Variants in ZNF746 observed in about 807,000 individuals in gnomAD.
The protein encoded by ZNF746 is zinc finger protein 746, also known as parkin-interacting substrate.
In ZNF746, 13 loss-of-function variants were observed where a neutral mutation model predicts 41.0. The ratio of observed to expected loss-of-function variants is 0.32; its 90% CI spans 0.21 to 0.50. ZNF746 has a LOEUF of 0.50. Among genes scored for constraint, ZNF746 ranks in the 20% least tolerant of loss-of-function variants. ZNF746 has a pLI of 0.98. For missense variants in ZNF746, 811 were observed against 922.9 expected (o/e 0.88, Z 1.57); for synonymous variants, 424 against 396.2 (o/e 1.07, Z -0.83).
Position 149,474,793 on chromosome 7 carries a change from G to C in ZNF746, c.1574C>G (p.Ala525Gly), listed in dbSNP as rs1241670661. 5.2e-6 allele frequency: 8 copies of C among 1,537,854 alleles called. No individual in the cohort carries two copies. In the East Asian group the frequency reaches 1.2e-4, roughly 23 times the overall value. ...ACGGCCGCACTCCCCACACCGAAGG[G>C]CGCTGCCATCCCGTGCGCTGCCCCC... ...SGGGSARDGS[A>G]LRCGECGRCF... Residue 525 changes from alanine to glycine, a missense_variant, in exon 7 of 7, where the codon GCC (alanine) becomes GGC (glycine). Transcript: ENST00000458143. The surrounding 1 kb of genome is among the most constrained non-coding windows in gnomAD (Gnocchi z 6.3).
rs981047807 is a variant in ZNF746 at position 149,497,055 on chromosome 7, G to C, written c.24+458C>G. The C allele has an allele frequency of 3.1e-5, 31 of 985,286 alleles. No individual in the cohort carries two copies. The highest frequency in any genetic ancestry group is 3.3e-5 in the Non-Finnish European group (27 of 829,936). 61.0% of individuals were successfully genotyped at this position (985,286 alleles called of 1,614,324 possible). Reference sequence around the variant, plus strand: ...GTGGCTCTATATTCCCTTCCGCGCCGACCCCGGGAAGCTGGGCACGTAGTG... The same window carrying C: ...GTGGCTCTATATTCCCTTCCGCGCCCACCCCGGGAAGCTGGGCACGTAGTG... On this transcript the variant is annotated intron_variant, in intron 1 of 6. Transcript: ENST00000458143. This position sits in a 1 kb window ranked among gnomAD's most constrained non-coding sequence, Gnocchi z 4.2.
Position 149,497,029 on chromosome 7 carries a change from C to T in ZNF746, c.24+484G>A, listed in dbSNP as rs192778588. On this transcript the variant is annotated intron_variant, in intron 1 of 6. Coordinates refer to ENST00000458143, the MANE Select transcript of ZNF746 (RefSeq NM_001394198.1). This position sits in a 1 kb window ranked among gnomAD's most constrained non-coding sequence, Gnocchi z 4.2. Reference sequence around the variant, plus strand: ...CGCCTCAACAGGGCTTGTGGAAGTGCGTGGCTCTATATTCCCTTCCGCGCC... The same window carrying T: ...CGCCTCAACAGGGCTTGTGGAAGTGTGTGGCTCTATATTCCCTTCCGCGCC... 25 of 985,420 alleles carry T rather than the reference C, an allele frequency of 2.5e-5. No individual in the cohort carries two copies. Among genetic ancestry groups the T allele is most frequent in the Middle Eastern group, 5.2e-4 (1 of 1,914 alleles). The allele number at this position is 985,420 out of a possible 1,614,324, so 61.0% of individuals were successfully genotyped here.
intron 4 of ZNF746, chr7:149,491,653 G>A: frequency 1.8e-6 from 1 of 548,548 alleles, no homozygotes; most frequent in Non-Finnish European, 3.3e-6. Context: ...AAATCTGACT[G>A]AGATGAGATG....
chr7:149,476,052 CG>C (rs1563248877), intron 6 of ZNF746, among the ~76,000 whole-genome samples: 2 of 152,158 alleles, frequency 1.3e-5, no homozygotes, highest in Non-Finnish European at 1.5e-5. Context: ...CGGTGGCTCA[CG>C]CCTATAATCC....
In ZNF746 at chr7:149,476,946, G is replaced by C; in HGVS notation, c.859C>G (p.Leu287Val). Reference sequence around the variant, plus strand: ...CCTTCCGTGGAGGCTGCTGTGTTGAGCTTCAGGGTCCCGTCCGAGCATGCT... The same window carrying C: ...CCTTCCGTGGAGGCTGCTGTGTTGACCTTCAGGGTCCCGTCCGAGCATGCT... ...SSACSDGTLK[L>V]NTAASTEADV... Residue 287 changes from leucine (L) to valine (V), a missense_variant, in exon 6 of 7, where the codon CTC (leucine) becomes GTC (valine). Leu to Val is a conservative substitution (Grantham distance 32, BLOSUM62 1). Around this residue, in one of 4 missense-constraint regions of ZNF746, gnomAD observed 495 missense variants for 481.6 expected, o/e 1.03. Transcript: ENST00000458143. 6.2e-7 allele frequency: 1 copy of C among 1,614,030 alleles called. No individual in the cohort carries two copies. Among genetic ancestry groups the C allele is most frequent in the Non-Finnish European group, 8.5e-7 (1 of 1,179,996 alleles).
In ZNF746 at chr7:149,475,020, G is replaced by A. The variant is rs1322496101; in HGVS notation, c.1347C>T (p.Gly449=). ...EPCKYPGRTK[G]FGHKPGLKKH... ...TCTTCAGCCCTGGCTTGTGGCCAAA[G>A]CCTTTGGTCCGGCCAGGGTATTTAC... Residue 449 remains glycine (G), a synonymous_variant, in exon 7 of 7, where the codon GGC becomes GGT. Coordinates refer to ENST00000458143, the MANE Select transcript of ZNF746 (RefSeq NM_001394198.1). The A allele has an allele frequency of 6.4e-7, 1 of 1,554,116 alleles. No homozygotes were observed. The highest frequency in any genetic ancestry group is 2.0e-5 in the Admixed American group (1 of 50,394).
rs1445302328 is a variant in ZNF746, at chr7:149,474,827, C to A, written c.1540G>T (p.Gly514Cys). 2.1e-6 allele frequency: 3 copies of A among 1,419,180 alleles called. No individual in the cohort carries two copies. Among genetic ancestry groups the A allele is most frequent in the Non-Finnish European group, 2.7e-6 (3 of 1,093,076 alleles). 87.9% of individuals were successfully genotyped at this position (1,419,180 alleles called of 1,614,324 possible). A position where few individuals can be genotyped will look rare whatever the true frequency, so the allele number is the denominator to read the frequency against. ...TCCCGTGCGCTGCCCCCACCGCTGC[C>A]GCCACCGCCGCCGCCACTGCCGCTG... ...GGSGSGGGGG[G>C]SGGGSARDGS... Residue 514 changes from glycine to cysteine, a missense_variant, in exon 7 of 7, where the codon GGC (glycine) becomes TGC (cysteine). Gly to Cys is a radical substitution (Grantham distance 159). Coordinates refer to ENST00000458143, the MANE Select transcript of ZNF746 (RefSeq NM_001394198.1). The surrounding 1 kb of genome is among the most constrained non-coding windows in gnomAD (Gnocchi z 6.3).
In ZNF746 at chr7:149,480,553, C is replaced by T. The variant is rs916331635; in HGVS notation, c.566-2798G>A. Among the ~76,000 whole-genome samples the T allele has an allele frequency of 4.0e-5, 6 of 151,648 alleles. No individual in the cohort carries two copies. In the East Asian group the frequency reaches 9.7e-4, roughly 24 times the overall value. On this transcript the variant is annotated intron_variant, in intron 4 of 6. Coordinates refer to ENST00000458143, the MANE Select transcript of ZNF746 (RefSeq NM_001394198.1). Reference sequence around the variant, plus strand: ...GTTCAAGCAATTCTCCTGCCTCAGCCTCCCCAGTAGCACTGGGACTACAGG... The same window carrying T: ...GTTCAAGCAATTCTCCTGCCTCAGCTTCCCCAGTAGCACTGGGACTACAGG...
rs551516855 is a variant in ZNF746 at position 149,490,789 on chromosome 7, T to C, written c.565+2070A>G. 2.6e-5 allele frequency: 4 copies of C among 152,702 alleles called. No individual in the cohort carries two copies. In the East Asian group the frequency reaches 7.7e-4, roughly 30 times the overall value. 9.5% of individuals were successfully genotyped at this position (152,702 alleles called of 1,614,324 possible). On this transcript the variant is annotated intron_variant, in intron 4 of 6. Coordinates refer to ENST00000458143, the MANE Select transcript of ZNF746 (RefSeq NM_001394198.1). ...CCAAGACTGAGGGCAGGAAGAGTGTTGAGAAGAGAGGGAAGGTCTGCAGAA... is the reference window on the plus strand; with the variant it reads ...CCAAGACTGAGGGCAGGAAGAGTGTCGAGAAGAGAGGGAAGGTCTGCAGAA...
chr7:149,481,874 A>G (rs1800494135), intron 4 of ZNF746, among the ~76,000 whole-genome samples: 3 of 152,212 alleles, frequency 2.0e-5, no homozygotes, highest in Admixed American at 2.0e-4. Flanking sequence ...ATAAACTAAT[A>G]ACCATAATCA....
intron 1 of ZNF746, among the ~76,000 whole-genome samples, chr7:149,495,755 G>C (rs942543278): frequency 6.6e-6 from 1 of 152,222 alleles, no homozygotes; most frequent in African/African-American, 2.4e-5. Context: ...AGGAGAGTTT[G>C]AGCAGAGGGA....
intron 4 of ZNF746, among the ~76,000 whole-genome samples, chr7:149,480,731 T>C (rs1051332473): frequency 6.6e-6 from 1 of 152,180 alleles, no homozygotes; most frequent in Admixed American, 6.5e-5. Flanking sequence ...CTACCGCGCC[T>C]GGCTAATAAC....
chr7:149,494,166 C>T lies in ZNF746; in HGVS notation c.324+38G>A, dbSNP rs779276908. ...TCACCCACACGCTCACGGGTTTGGC[C>T]GCTTGGGCTCCCACACCCCAAGGCG... On this transcript the variant is annotated intron_variant, in intron 2 of 6. Transcript: ENST00000458143. This position sits in a 1 kb window ranked among gnomAD's most constrained non-coding sequence, Gnocchi z 5.6. 14 of 1,613,740 alleles carry T rather than the reference C, an allele frequency of 8.7e-6. No homozygotes were observed. The highest frequency in any genetic ancestry group is 6.7e-5 in the East Asian group (3 of 44,862).
At position 149,477,550 on chromosome 7, in the gene ZNF746, T is replaced by A. The variant is rs575270842; in HGVS notation, c.757+14A>T. Reference sequence around the variant, plus strand: ...CTGCAACTTGTTCCTTATGTCCCCGTCTCAGCCACTTACCAGAGGTGGCAT... The same window carrying A: ...CTGCAACTTGTTCCTTATGTCCCCGACTCAGCCACTTACCAGAGGTGGCAT... On this transcript the variant is annotated intron_variant, in intron 5 of 6. Transcript: ENST00000458143. 6.7e-5 allele frequency: 106 copies of A among 1,590,362 alleles called. 1 individual carries two copies. The South Asian group carries it at 1.2e-3, about 18-fold the overall frequency.
chr7:149,489,616 GAGGGAACAGCACC>G (rs745718076), intron 4 of ZNF746: 7 of 152,610 alleles, frequency 4.6e-5, no homozygotes, highest in East Asian at 1.9e-4. Flanking sequence ...GCACAGGGCG[GAGGGAACAGCACC>G]AGGGAACAGC....
chr7:149,494,867 G>A lies in ZNF746; in HGVS notation c.25-364C>T, dbSNP rs1800942624. Among the ~76,000 whole-genome samples, 1 of 151,716 alleles carries A rather than the reference G, an allele frequency of 6.6e-6. No individual in the cohort carries two copies. The highest frequency in any genetic ancestry group is 2.1e-4 in the South Asian group (1 of 4,802). ...CAGGTACCCAGTGCAATTTTGTTACGTAAACAGTGACTTAGCATTGCTGGG... is the reference window on the plus strand; with the variant it reads ...CAGGTACCCAGTGCAATTTTGTTACATAAACAGTGACTTAGCATTGCTGGG... On this transcript the variant is annotated intron_variant, in intron 1 of 6. Coordinates refer to ENST00000458143, the MANE Select transcript of ZNF746 (RefSeq NM_001394198.1). This position sits in a 1 kb window ranked among gnomAD's most constrained non-coding sequence, Gnocchi z 5.6.
rs1800241754 is a variant in ZNF746 at position 149,474,988 on chromosome 7, G to A, written c.1379C>T (p.Pro460Leu). ...GGGCCGGCCCCCGGGGGGCGCCGCG[G>A]GGTGCTTCTTCAGCCCTGGCTTGTG... is the stretch of plus-strand genomic sequence containing the variant. ...FGHKPGLKKH[P>L]AAPPGGRPFT... Residue 460 changes from proline (P) to leucine (L), a missense_variant, in exon 7 of 7, where the codon CCC becomes CTC. This residue lies in a region of ZNF746 where 495 missense variants were observed against 481.6 expected (regional missense o/e 1.03). Coordinates refer to ENST00000458143, the MANE Select transcript of ZNF746 (RefSeq NM_001394198.1). This position sits in a 1 kb window ranked among gnomAD's most constrained non-coding sequence, Gnocchi z 6.3. 1.9e-6 allele frequency: 3 copies of A among 1,548,748 alleles called. No homozygotes were observed. Among genetic ancestry groups the A allele is most frequent in the Non-Finnish European group, 1.7e-6 (2 of 1,146,648 alleles).
intron 1 of ZNF746, among the ~76,000 whole-genome samples, chr7:149,495,649 A>C (rs1800972032): frequency 6.6e-6 from 1 of 152,218 alleles, no homozygotes; most frequent in African/African-American, 2.4e-5. Context: ...TTATTTCCAA[A>C]ATGAAGAAGT....
intron 4 of ZNF746, among the ~76,000 whole-genome samples, chr7:149,481,175 A>C (rs1009675941): frequency 3.9e-5 from 6 of 152,234 alleles, no homozygotes; most frequent in Non-Finnish European, 8.8e-5. Context: ...GGGGCAAATT[A>C]TCTTCAAAAG....
Sources: allele counts gnomAD v4.1 joint callset (sites outside exome capture counted in the v4.1 genomes callset), GRCh38; gene constraint gnomAD v4.1.1; regional missense constraint gnomAD v4.1.1; non-coding constraint Gnocchi (gnomAD v3.1); transcripts MANE v1.5; gene names NCBI Gene and HGNC (gene_info 2026-07-23, HGNC 2026-07-21).